MEGF10: variants seen among roughly 807,000 people sequenced by gnomAD.
MEGF10 encodes the protein multiple epidermal growth factor-like domains protein 10.
MEGF10 carries 86 observed loss-of-function variants against 147.5 expected under a neutral mutation model. That is an observed-to-expected ratio of 0.58 (90% CI 0.49 to 0.70). The LOEUF is 0.70. MEGF10 is among the 30% of genes least tolerant of loss of function. MEGF10 has a pLI of 0.00. For synonymous variants in MEGF10, 478 were observed against 525.5 expected (o/e 0.91, Z 1.24); for missense variants, 1,329 against 1,487.3 (o/e 0.89, Z 1.75).
intron 4 of MEGF10, among the ~76,000 whole-genome samples, chr5:127,345,946 T>C (rs926697931): frequency 2.6e-5 from 4 of 152,154 alleles, no homozygotes; most frequent in African/African-American, 9.7e-5. Flanking sequence ...GAATATACAG[T>C]GTTTGGTTTT....
intron 8 of MEGF10, among the ~76,000 whole-genome samples, chr5:127,404,149 G>T (rs541484009): frequency 6.6e-6 from 1 of 151,916 alleles, no homozygotes; most frequent in African/African-American, 2.4e-5. Context: ...ACTGGCTTGA[G>T]ATTATATCTC....
At chr5:127,334,030 G>C (rs912084678) in intron 2 of MEGF10, among the ~76,000 whole-genome samples, 1 of 152,078 alleles carries the variant, frequency 6.6e-6, no homozygotes, top group Non-Finnish European at 1.5e-5. Context: ...CTGTTGTAAG[G>C]CTAGATAATG....
At chr5:127,282,712 A>G in the MEGF10 span, among the ~76,000 whole-genome samples, 27 of 152,312 alleles carry the variant, frequency 1.8e-4, no homozygotes, top group Middle Eastern at 3.4e-3. Flanking sequence ...TTTTGGGACA[A>G]CATCCCCTCT....
chr5:127,446,848 C>T (rs1238860809), intron 20 of MEGF10, among the ~76,000 whole-genome samples: 1 of 152,174 alleles, frequency 6.6e-6, no homozygotes, highest in Admixed American at 6.5e-5. Flanking sequence ...CAGGTAAGCT[C>T]TGATTGGTTG....
intron 17 of MEGF10, among the ~76,000 whole-genome samples, chr5:127,438,831 C>G (rs948795190): frequency 1.3e-5 from 2 of 152,166 alleles, no homozygotes; most frequent in Admixed American, 6.5e-5. Flanking sequence ...TCTCCTTTAA[C>G]CAAATCATAT....
In MEGF10 at chr5:127,410,600, A is replaced by G. The variant is rs1764520700; in HGVS notation, c.1129A>G (p.Ser377Gly). Residue 377 changes from serine (S) to glycine (G), a missense_variant and splice_region_variant, in exon 9 of 25, where the codon AGC (serine) becomes GGC (glycine). By Grantham distance (56) the Ser-to-Gly change is moderately conservative. Around this residue, in one of 3 missense-constraint regions of MEGF10, gnomAD observed 980 missense variants for 1,085.9 expected, o/e 0.90. Transcript: ENST00000503335. ...TCCCTGCCACCTGGAAAACACTCAT[A>G]GGTGAGTGTCAGCTTCCCCTGGAAG... is the stretch of plus-strand genomic sequence containing the variant. ...RCPCHLENTH[S>G]CHPMSGECAC... The G allele has an allele frequency of 6.3e-7, 1 of 1,597,434 alleles. No homozygotes were observed. The highest frequency in any genetic ancestry group is 1.7e-5 in the Admixed American group (1 of 59,446).
Position 127,369,987 on chromosome 5 carries a change from A to C in MEGF10, c.397A>C (p.Thr133Pro), listed in dbSNP as rs1762793262. 8.7e-6 allele frequency: 14 copies of C among 1,612,852 alleles called. No individual in the cohort carries two copies. The East Asian group carries it at 3.1e-4, about 36-fold the overall frequency. ...TCAGTGTGAGCCTGGCTGGGGAGGG[A>C]CCAACTGCTCCAGTGGTAAGTTTCC... ...TCQCEPGWGGTNCSSACDGDH... is the reference protein window; with the variant it reads ...TCQCEPGWGGPNCSSACDGDH... The change falls in exon 5 of 25, where the codon ACC (threonine) becomes CCC (proline). Residue 133 changes from threonine (T) to proline (P), a missense_variant. Around this residue, in one of 3 missense-constraint regions of MEGF10, gnomAD observed 980 missense variants for 1,085.9 expected, o/e 0.90. Transcript: ENST00000503335.
intron 22 of MEGF10, among the ~76,000 whole-genome samples, 161 bp downstream of exon 22, chr5:127,449,383 T>C (rs1766072670): frequency 6.6e-6 from 1 of 152,220 alleles, no homozygotes; most frequent in Non-Finnish European, 1.5e-5. Context: ...TCTACTGTCC[T>C]AAGGGCTTTA....
At chr5:127,389,679 A>T (rs1763570551) in intron 5 of MEGF10, among the ~76,000 whole-genome samples, 1 of 152,212 alleles carries the variant, frequency 6.6e-6, no homozygotes, top group African/African-American at 2.4e-5. Context: ...AACAGAAAAC[A>T]AAATACTGCA....
chr5:127,418,936 A>G (rs975899944), intron 10 of MEGF10, among the ~76,000 whole-genome samples, 184 bp from the exon 11 acceptor site: 1 of 152,208 alleles, frequency 6.6e-6, no homozygotes, highest in Non-Finnish European at 1.5e-5. Flanking sequence ...TAGACCAGCT[A>G]GTGTTGCCCT....
chr5:127,269,962 A>G, the MEGF10 span, among the ~76,000 whole-genome samples: 8 of 152,232 alleles, frequency 5.3e-5, no homozygotes, highest in South Asian at 1.7e-3. Context: ...TCAACACAGA[A>G]TTTCATATCC....
rs142355199 is a variant in MEGF10, at chr5:127,420,126, C to T, written c.1509C>T (p.Asn503=). The T allele has an allele frequency of 1.5e-5, 25 of 1,614,008 alleles. No homozygotes were observed. The highest frequency in any genetic ancestry group is 1.6e-4 in the Middle Eastern group (1 of 6,084). The change falls in exon 12 of 25, where the codon AAC becomes AAT. Residue 503 remains asparagine, a synonymous_variant. Coordinates refer to ENST00000503335, the MANE Select transcript of MEGF10 (RefSeq NM_001256545.2). ...GTAACTTAACATGCCAGTGCCTCAA[C>T]GGGGGAGCCTGCAACACCCTGGACG... ...FGCNLTCQCL[N]GGACNTLDGT...
At chr5:127,408,299 C>A (rs910561954) in intron 8 of MEGF10, among the ~76,000 whole-genome samples, 4 of 152,104 alleles carry the variant, frequency 2.6e-5, no homozygotes, top group Non-Finnish European at 4.4e-5. Context: ...TTTTCAAATC[C>A]TTTTAGGAGA....
At chr5:127,330,303 C>T (rs1027579138) in intron 1 of MEGF10, among the ~76,000 whole-genome samples, 10 of 152,144 alleles carry the variant, frequency 6.6e-5, no homozygotes, top group Admixed American at 6.6e-4. Context: ...CCACTCTGCA[C>T]CATTTACTAG....
intron 22 of MEGF10, 82 bp downstream of exon 22, chr5:127,449,304 G>T: frequency 4.5e-6 from 7 of 1,570,288 alleles, no homozygotes; most frequent in Middle Eastern, 2.3e-4. Context: ...TTTGTGCCAA[G>T]GTGTTCTATT....
At chr5:127,339,305 C>A in intron 3 of MEGF10, 84 bp downstream of exon 3, 1 of 929,862 alleles carries the variant, frequency 1.1e-6, no homozygotes. Flanking sequence ...GCAGAAAGTG[C>A]ATCCATTCAT....
the MEGF10 span, among the ~76,000 whole-genome samples, chr5:127,255,998 G>C: frequency 6.6e-6 from 1 of 152,126 alleles, no homozygotes; most frequent in African/African-American, 2.4e-5. Flanking sequence ...ACAGGCACCA[G>C]AGAAAACTGC....
At chr5:127,325,902 TATATATA>T (rs1183458263) in intron 1 of MEGF10, among the ~76,000 whole-genome samples, 11 of 52,618 alleles carry the variant, frequency 2.1e-4, no homozygotes, top group African/African-American at 4.1e-4. Context: ...TATATATATA[TATATATA>T]TTTTTTTTTT....
In MEGF10 at chr5:127,331,302, GA is replaced by G. The variant is rs772563644; in HGVS notation, c.1del. On this transcript the variant is annotated 5_prime_UTR_variant, in exon 2 of 25. Coordinates refer to ENST00000503335, the MANE Select transcript of MEGF10 (RefSeq NM_001256545.2). Reference sequence around the variant, plus strand: ...TTTCTTTCTTGTAGGTTGTTCTTCAGAAAAAAATGGTTATTTCTTTGAACTC... The same window carrying G: ...TTTCTTTCTTGTAGGTTGTTCTTCAGAAAAAATGGTTATTTCTTTGAACTC... 7.6e-6 allele frequency: 12 copies of G among 1,573,292 alleles called. No homozygotes were observed. Among genetic ancestry groups the G allele is most frequent in the African/African-American group, 1.4e-5 (1 of 73,886 alleles).
Sources: allele counts gnomAD v4.1 joint callset (sites outside exome capture counted in the v4.1 genomes callset), GRCh38; gene constraint gnomAD v4.1.1; regional missense constraint gnomAD v4.1.1; transcripts MANE v1.5; gene names NCBI Gene and HGNC (gene_info 2026-07-23, HGNC 2026-07-21).